Variants in PCED1B observed in about 807,000 individuals in gnomAD.
PCED1B encodes the protein PC-esterase domain-containing protein 1B.
For synonymous variants in PCED1B, 251 were observed against 246.1 expected, an observed-to-expected ratio of 1.02 and a Z score of -0.19; for missense variants, 573 against 573.9, an observed-to-expected ratio of 1.00 and a Z score of 0.02.
intron 1 of PCED1B, among the ~76,000 whole-genome samples, chr12:47,082,199 T>C (rs966565097): frequency 6.6e-6 from 1 of 152,252 alleles, no homozygotes; most frequent in Admixed American, 6.5e-5. Flanking sequence ...TCCAAGAGGA[T>C]AGCAGTTTTA....
chr12:47,236,038 C>T lies in PCED1B; in HGVS notation c.975C>T (p.Leu325=), dbSNP rs1008197785. Residue 325 remains leucine, a synonymous_variant, in exon 4 of 4, where the codon CTC becomes CTT. Transcript: ENST00000546455. The part of the protein sequence containing the change: ...LLSPQPPPPI[L]HHQGMPRFPQ... ...CCCCACAGCCTCCTCCTCCCATTCTCCATCACCAGGGAATGCCCCGGTTCC... is the reference window on the plus strand; with the variant it reads ...CCCCACAGCCTCCTCCTCCCATTCTTCATCACCAGGGAATGCCCCGGTTCC... 5 of 1,614,008 alleles carry T rather than the reference C, an allele frequency of 3.1e-6. No homozygotes were observed. Among genetic ancestry groups the T allele is most frequent in the Non-Finnish European group, 4.2e-6 (5 of 1,179,982 alleles).
At chr12:47,214,535 C>A (rs12819627) in intron 2 of PCED1B, among the ~76,000 whole-genome samples, 1 of 151,828 alleles carries the variant, frequency 6.6e-6, no homozygotes, top group East Asian at 1.9e-4. Context: ...TGGCCAGGCT[C>A]GGTGGCTCAT....
At chr12:47,086,962 A>G (rs1205640167) in intron 1 of PCED1B, among the ~76,000 whole-genome samples, 1 of 152,230 alleles carries the variant, frequency 6.6e-6, no homozygotes, top group Non-Finnish European at 1.5e-5. Context: ...TGAAGCAGCC[A>G]TTATTCACCA....
chr12:47,168,981 T>G (rs964892524), intron 2 of PCED1B, among the ~76,000 whole-genome samples: 9 of 152,228 alleles, frequency 5.9e-5, no homozygotes, highest in African/African-American at 2.2e-4. Flanking sequence ...CTTAATACTT[T>G]CTACTCAAAG....
chr12:47,178,866 C>CAAAAAA (rs35135157), intron 2 of PCED1B, among the ~76,000 whole-genome samples: 4 of 81,146 alleles, frequency 4.9e-5, no homozygotes, highest in Non-Finnish European at 7.5e-5. Context: ...GACTCCATCT[C>CAAAAAA]AAAAAAAAAA....
intron 2 of PCED1B, among the ~76,000 whole-genome samples, chr12:47,182,530 G>C (rs1288030769): frequency 6.6e-6 from 1 of 151,622 alleles, no homozygotes. Flanking sequence ...GGTGGAGATT[G>C]CAGTGAGCCG....
intron 2 of PCED1B, among the ~76,000 whole-genome samples, chr12:47,178,611 G>C (rs901839617): frequency 1.3e-5 from 2 of 151,986 alleles, no homozygotes; most frequent in Admixed American, 6.6e-5. Context: ...GTTCATGCCT[G>C]TAATCCCAGC....
intron 2 of PCED1B, among the ~76,000 whole-genome samples, chr12:47,149,025 G>A (rs1424549939): frequency 2.0e-5 from 3 of 152,166 alleles, no homozygotes; most frequent in South Asian, 2.1e-4. Context: ...AAATGGCACT[G>A]CTGAGAATCT....
At chr12:47,167,720 T>C (rs977457178) in intron 2 of PCED1B, among the ~76,000 whole-genome samples, 1 of 152,202 alleles carries the variant, frequency 6.6e-6, no homozygotes, top group African/African-American at 2.4e-5. Context: ...AATTCTCTTA[T>C]TGTTTAGGAC....
intron 2 of PCED1B, among the ~76,000 whole-genome samples, chr12:47,181,879 C>G (rs758748407): frequency 1.3e-5 from 2 of 152,138 alleles, no homozygotes; most frequent in Non-Finnish European, 2.9e-5. Context: ...AAAGAAACAT[C>G]CTGTAATTTC....
intron 2 of PCED1B, among the ~76,000 whole-genome samples, chr12:47,105,816 A>T (rs1216040370): frequency 2.6e-5 from 4 of 152,188 alleles, no homozygotes; most frequent in Non-Finnish European, 5.9e-5. Flanking sequence ...GCATGATTAA[A>T]GGAGTGATGG....
chr12:47,233,472 A>G (rs1372880118), intron 3 of PCED1B, among the ~76,000 whole-genome samples: 1 of 152,220 alleles, frequency 6.6e-6, no homozygotes. Flanking sequence ...GCACCGGAAA[A>G]CAGTGAAACT....
At chr12:47,167,947 C>T (rs1456003091) in intron 2 of PCED1B, among the ~76,000 whole-genome samples, 1 of 151,906 alleles carries the variant, frequency 6.6e-6, no homozygotes, top group African/African-American at 2.4e-5. Context: ...GGAAGGTGGT[C>T]GGGAAAGGGG....
intron 2 of PCED1B, among the ~76,000 whole-genome samples, chr12:47,114,176 A>T (rs1939323246): frequency 6.6e-6 from 1 of 152,212 alleles, no homozygotes; most frequent in African/African-American, 2.4e-5. Flanking sequence ...ATTCAGATTC[A>T]GCACACCTTC....
At chr12:47,211,513 G>T (rs1943077949) in intron 2 of PCED1B, among the ~76,000 whole-genome samples, 1 of 151,358 alleles carries the variant, frequency 6.6e-6, no homozygotes, top group African/African-American at 2.4e-5. Flanking sequence ...AAGGAGCCAG[G>T]TGTAGTGGCA....
At position 47,180,751 on chromosome 12, in the gene PCED1B, G is replaced by GA. The variant is rs929244398; in HGVS notation, c.-525-35462dup. 4.0e-4 allele frequency among the ~76,000 whole-genome samples: 61 copies of GA among 150,790 alleles called. 1 individual carries two copies. The South Asian group carries it at 0.011, about 28-fold the overall frequency. ...ACAAGGAACTTAAACAAATTTATGA[G>GA]AAAAAAAAATTAAAACGTGGGCAAA... On this transcript the variant is annotated intron_variant, in intron 2 of 3. Transcript: ENST00000546455.
chr12:47,181,054 G>A (rs1271944045), intron 2 of PCED1B, among the ~76,000 whole-genome samples: 1 of 151,116 alleles, frequency 6.6e-6, no homozygotes, highest in Non-Finnish European at 1.5e-5. Context: ...GCACAATCAT[G>A]GCTCACTACA....
intron 2 of PCED1B, among the ~76,000 whole-genome samples, chr12:47,201,921 T>C (rs1161292967): frequency 1.3e-5 from 2 of 152,180 alleles, no homozygotes; most frequent in Non-Finnish European, 2.9e-5. Flanking sequence ...ATTTTTAAGT[T>C]TGTCTTTGAG....
chr12:47,098,158 T>G (rs1938555599), intron 1 of PCED1B, among the ~76,000 whole-genome samples: 1 of 152,180 alleles, frequency 6.6e-6, no homozygotes, highest in South Asian at 2.1e-4. Context: ...TAAGTGGCCC[T>G]ATCCCCACTC....
Sources: gnomAD v4.1 joint callset for allele counts (sites outside exome capture counted in the v4.1 genomes callset) on GRCh38, gnomAD v4.1.1 for gene constraint, MANE v1.5 for transcripts, NCBI Gene and HGNC (gene_info 2026-07-23, HGNC 2026-07-21) for gene names.